The following RHOA variants were observed in gnomAD, a reference collection of about 807,000 sequenced individuals.
RHOA encodes transforming protein RhoA.
Under a neutral mutation model 17.5 loss-of-function variants are expected in RHOA, and 3 were observed. The ratio of observed to expected loss-of-function variants is 0.17; its 90% CI spans 0.08 to 0.44. The LOEUF (loss-of-function observed/expected upper bound fraction) is 0.44, where lower values mean the gene tolerates loss of function less well. Ranked by LOEUF, RHOA falls within the 20% of genes least tolerant of loss-of-function variation. RHOA has a pLI of 0.99. For synonymous variants in RHOA, 98 were observed against 88.4 expected (o/e 1.11, Z -0.61); for missense variants, 56 against 242.3 (o/e 0.23, Z 5.10).
chr3:49,404,838 C>T (rs1398817526), intron 1 of RHOA, among the ~76,000 whole-genome samples: 1 of 150,670 alleles, frequency 6.6e-6, no homozygotes, highest in Admixed American at 6.6e-5. Context: ...ACCTGGGAGG[C>T]TAAGGCAGGA....
At chr3:49,410,293 G>C (rs2048911020) in intron 1 of RHOA, among the ~76,000 whole-genome samples, 1 of 152,028 alleles carries the variant, frequency 6.6e-6, no homozygotes, top group Non-Finnish European at 1.5e-5. Context: ...TAAGTCTCTG[G>C]GACTCAGTTT....
At chr3:49,379,897 C>G (rs1221452715) in intron 1 of RHOA, among the ~76,000 whole-genome samples, 2 of 152,222 alleles carry the variant, frequency 1.3e-5, no homozygotes, top group Non-Finnish European at 2.9e-5. Context: ...TACCACCACT[C>G]TCGCCCCCAG....
intron 2 of RHOA, among the ~76,000 whole-genome samples, chr3:49,371,587 ATTGC>A (rs1292358694): frequency 6.6e-6 from 1 of 151,996 alleles, no homozygotes; most frequent in African/African-American, 2.4e-5. Flanking sequence ...GCCTTATACT[ATTGC>A]ATACTGTTAA....
intron 3 of RHOA, chr3:49,365,161 T>TA (rs2048035197): frequency 6.6e-6 from 1 of 151,328 alleles, no homozygotes; most frequent in Admixed American, 6.6e-5. Flanking sequence ...TTTTTTTTTT[T>TA]AGATGGACTC....
Position 49,368,644 on chromosome 3 carries a change from C to G in RHOA, c.157-96G>C. The stretch of plus-strand genomic sequence containing the variant: ...TACCATAGTACATTGAAATGGCAGA[C>G]CATTGAAATGGCAGACGGTCTAAAA... On this transcript the variant is annotated intron_variant, in intron 2 of 4. Coordinates refer to ENST00000418115, the MANE Select transcript of RHOA (RefSeq NM_001664.4). 3.0e-6 allele frequency: 4 copies of G among 1,343,280 alleles called. No individual in the cohort carries two copies. In the East Asian group the frequency reaches 9.2e-5, roughly 31 times the overall value. The allele number at this position is 1,343,280 out of a possible 1,614,324, so 83.2% of individuals were successfully genotyped here.
chr3:49,380,579 G>A (rs888273368), intron 1 of RHOA, among the ~76,000 whole-genome samples: 8 of 151,340 alleles, frequency 5.3e-5, no homozygotes, highest in African/African-American at 1.7e-4. Context: ...GTGGGGTGAG[G>A]CAAGAGAATC....
intron 1 of RHOA, among the ~76,000 whole-genome samples, chr3:49,382,115 C>A (rs1301116359): frequency 6.7e-6 from 1 of 150,052 alleles, no homozygotes; most frequent in Non-Finnish European, 1.5e-5. Flanking sequence ...GTAAGGAGAT[C>A]GAGACCATCC....
At chr3:49,378,796 A>G (rs955031608) in intron 1 of RHOA, among the ~76,000 whole-genome samples, 5 of 152,030 alleles carry the variant, frequency 3.3e-5, no homozygotes, top group South Asian at 2.1e-4. Flanking sequence ...GCGTTTCACT[A>G]TATTACCCAG....
intron 2 of RHOA, among the ~76,000 whole-genome samples, chr3:49,374,487 G>A (rs1315779038): frequency 6.6e-6 from 1 of 152,234 alleles, no homozygotes; most frequent in Non-Finnish European, 1.5e-5. Context: ...GGGAGGCTGA[G>A]GCAGGTGGAT....
At chr3:49,389,449 A>G (rs2048458922) in intron 1 of RHOA, among the ~76,000 whole-genome samples, 1 of 152,160 alleles carries the variant, frequency 6.6e-6, no homozygotes, top group African/African-American at 2.4e-5. Flanking sequence ...TGTGCTTCTC[A>G]GATTCCCTAG....
At chr3:49,391,537 GCCA>G (rs1348053960) in intron 1 of RHOA, among the ~76,000 whole-genome samples, 3 of 152,120 alleles carry the variant, frequency 2.0e-5, no homozygotes, top group African/African-American at 7.2e-5. Flanking sequence ...GTAGCTACTA[GCCA>G]CATTGTGACT....
Position 49,359,279 on chromosome 3 carries a change from T to C in RHOA, c.*930A>G, listed in dbSNP as rs535456222. The C allele has an allele frequency of 1.0e-5, 2 of 192,824 alleles. No homozygotes were observed. Among genetic ancestry groups the C allele is most frequent in the Admixed American group, 1.2e-4 (2 of 16,322 alleles). 11.9% of individuals were successfully genotyped at this position (192,824 alleles called of 1,614,324 possible). A position where few individuals can be genotyped will look rare whatever the true frequency, so the allele number is the denominator to read the frequency against. ...TGGCTCCTCTGGGAGGGAACCTGGA[T>C]ACAGTGAGGAGAAAAGAGCACTGTG... is the stretch of plus-strand genomic sequence containing the variant. On this transcript the variant is annotated 3_prime_UTR_variant, in exon 5 of 5. Coordinates refer to ENST00000418115, the MANE Select transcript of RHOA (RefSeq NM_001664.4).
intron 1 of RHOA, among the ~76,000 whole-genome samples, chr3:49,399,832 G>C (rs1272899618): frequency 6.6e-6 from 1 of 151,994 alleles, no homozygotes; most frequent in Non-Finnish European, 1.5e-5. Flanking sequence ...TTTAAATGTA[G>C]GGACTTTAAA....
intron 1 of RHOA, among the ~76,000 whole-genome samples, chr3:49,410,130 A>G (rs560902447): frequency 6.9e-4 from 105 of 152,214 alleles, no homozygotes; most frequent in Non-Finnish European, 1.3e-3. Flanking sequence ...ACCATCAACA[A>G]GGTTTAAAAG....
chr3:49,382,515 G>A (rs1256278824), intron 1 of RHOA, among the ~76,000 whole-genome samples: 1 of 149,392 alleles, frequency 6.7e-6, no homozygotes, highest in Non-Finnish European at 1.5e-5. Flanking sequence ...GCGCATCTGT[G>A]GTCACAGCTA....
intron 2 of RHOA, among the ~76,000 whole-genome samples, chr3:49,372,480 C>G (rs1333205807): frequency 6.6e-6 from 1 of 152,162 alleles, no homozygotes; most frequent in African/African-American, 2.4e-5. Flanking sequence ...GTGGCTCACG[C>G]CTGTAATCCC....
intron 4 of RHOA, 99 bp from the exon 5 acceptor site, chr3:49,360,481 T>C (rs1053605389): frequency 1.5e-6 from 2 of 1,351,752 alleles, no homozygotes; most frequent in African/African-American, 3.0e-5. Context: ...TTTTTTCTTT[T>C]TTTGAGACAG....
chr3:49,375,723 C>T (rs1203920358), intron 1 of RHOA, 132 bp from the exon 2 acceptor site: 4 of 834,996 alleles, frequency 4.8e-6, no homozygotes, highest in African/African-American at 1.7e-5. Flanking sequence ...TCTAGTACGC[C>T]GATCCACCTG....
At chr3:49,404,555 T>C (rs1221493904) in intron 1 of RHOA, among the ~76,000 whole-genome samples, 1 of 127,376 alleles carries the variant, frequency 7.9e-6, no homozygotes, top group Non-Finnish European at 1.6e-5. Flanking sequence ...GAGATTGCAG[T>C]GAGCCGAGAT....
Sources: gnomAD v4.1 joint callset for allele counts (sites outside exome capture counted in the v4.1 genomes callset) on GRCh38, gnomAD v4.1.1 for gene constraint, MANE v1.5 for transcripts, NCBI Gene and HGNC (gene_info 2026-07-23, HGNC 2026-07-21) for gene names.